Variants in WDR72 observed in about 807,000 individuals in gnomAD.
The protein encoded by WDR72 is WD repeat-containing protein 72.
A neutral mutation model predicts 124.2 loss-of-function variants in WDR72; 120 were observed. That is an observed-to-expected ratio of 0.97 (90% CI 0.83 to 1.12). The LOEUF (loss-of-function observed/expected upper bound fraction) is 1.12, where lower values mean the gene tolerates loss of function less well. Ranked by LOEUF, WDR72 falls within the 50% of genes most tolerant of loss-of-function variation. WDR72 has a pLI of 0.00. For missense variants in WDR72, 1,387 were observed against 1,278.8 expected (o/e 1.08, Z -1.29); for synonymous variants, 452 against 441.7 (o/e 1.02, Z -0.29).
chr15:53,651,554 C>T (rs1198564658), intron 14 of WDR72, among the ~76,000 whole-genome samples: 1 of 152,156 alleles, frequency 6.6e-6, no homozygotes, highest in Non-Finnish European at 1.5e-5. Flanking sequence ...CATGCAGACA[C>T]AGTAATTCTT....
intron 18 of WDR72, among the ~76,000 whole-genome samples, chr15:53,546,844 C>G (rs1170432131): frequency 6.6e-6 from 1 of 152,032 alleles, no homozygotes; most frequent in Non-Finnish European, 1.5e-5. Context: ...TTTAAGAAGT[C>G]TTAAGCGATT....
At chr15:53,735,891 G>T (rs1236176013) in intron 1 of WDR72, among the ~76,000 whole-genome samples, 2 of 151,776 alleles carry the variant, frequency 1.3e-5, no homozygotes, top group Non-Finnish European at 2.9e-5. Context: ...ACAAAAGGTA[G>T]ACTTTTAAAA....
chr15:53,703,541 A>C (rs999784859), intron 11 of WDR72, among the ~76,000 whole-genome samples: 2 of 151,852 alleles, frequency 1.3e-5, no homozygotes, highest in Admixed American at 1.3e-4. Flanking sequence ...AATATTCCTT[A>C]CTTCGGACAA....
intron 2 of WDR72, among the ~76,000 whole-genome samples, chr15:53,726,415 A>G (rs1567051343): frequency 6.6e-6 from 1 of 151,564 alleles, no homozygotes; most frequent in Non-Finnish European, 1.5e-5. Context: ...GTTTTGCTTT[A>G]AACCTAAAAC....
chr15:53,717,440 A>G (rs2017745105), intron 3 of WDR72, among the ~76,000 whole-genome samples: 1 of 152,180 alleles, frequency 6.6e-6, no homozygotes, highest in East Asian at 1.9e-4. Context: ...AGATACTGCC[A>G]TTATACTAAG....
rs772038245 is a variant in WDR72 at position 53,616,197 on chromosome 15, A to G, written c.2009T>C (p.Val670Ala). ...GCCAACGTTACTCCATTTTGTCTTC[A>G]CAGGCAAGACATTAAAAGGTCTTGG... The part of the protein sequence containing the change: ...FCPRPFNVLP[V>A]KTKWSNVGFH... The change falls in exon 15 of 20, where the codon GTG becomes GCG. Residue 670 changes from valine (V) to alanine (A), a missense_variant. Physicochemically the swap from Val to Ala is moderately conservative, Grantham distance 64 (BLOSUM62 0). Coordinates refer to ENST00000360509, the MANE Select transcript of WDR72 (RefSeq NM_182758.4). 1 of 1,605,036 alleles carries G rather than the reference A, an allele frequency of 6.2e-7. No individual in the cohort carries two copies. The highest frequency in any genetic ancestry group is 8.5e-7 in the Non-Finnish European group (1 of 1,178,856).
chr15:53,665,112 T>C (rs953427633), intron 14 of WDR72, among the ~76,000 whole-genome samples: 1 of 152,200 alleles, frequency 6.6e-6, no homozygotes, highest in African/African-American at 2.4e-5. Context: ...GTGTATTCAC[T>C]GAGGCTTGGA....
At chr15:53,710,639 A>C (rs1471254526) in intron 9 of WDR72, among the ~76,000 whole-genome samples, 1 of 152,168 alleles carries the variant, frequency 6.6e-6, no homozygotes, top group Non-Finnish European at 1.5e-5. Flanking sequence ...ATATTGTTTC[A>C]TTATAAACTT....
intron 7 of WDR72, 85 bp from the exon 8 acceptor site, chr15:53,711,566 T>C (rs1183574255): frequency 1.4e-6 from 2 of 1,401,504 alleles, no homozygotes; most frequent in African/African-American, 2.9e-5. Flanking sequence ...AGTAATAATA[T>C]AACAACATAG....
intron 1 of WDR72, among the ~76,000 whole-genome samples, chr15:53,734,131 C>G (rs748316221): frequency 1.3e-4 from 20 of 151,742 alleles, no homozygotes; most frequent in Admixed American, 8.6e-4. Context: ...CATGTTATTT[C>G]TAATGTTCAA....
intron 13 of WDR72, among the ~76,000 whole-genome samples, chr15:53,678,873 T>TATTC (rs1236072025): frequency 1.3e-5 from 2 of 152,236 alleles, no homozygotes; most frequent in African/African-American, 4.8e-5. Flanking sequence ...ACAGCAGCAT[T>TATTC]ATTCACAAGA....
chr15:53,522,148 A>G (rs585111), intron 19 of WDR72, among the ~76,000 whole-genome samples: 3,500 of 152,098 alleles, frequency 0.023, 137 homozygotes, highest in African/African-American at 0.08. Context: ...TGGGGTTCCG[A>G]GATGACTTAG....
At chr15:53,755,217 T>G (rs570263587) in intron 1 of WDR72, among the ~76,000 whole-genome samples, 1 of 152,226 alleles carries the variant, frequency 6.6e-6, no homozygotes, top group Non-Finnish European at 1.5e-5. Flanking sequence ...CTGTTTATAT[T>G]TTTTTGTTCA....
intron 13 of WDR72, among the ~76,000 whole-genome samples, chr15:53,678,025 T>C (rs1021006082): frequency 6.6e-6 from 1 of 152,188 alleles, no homozygotes; most frequent in African/African-American, 2.4e-5. Context: ...GCCATAATGC[T>C]ATGTGGTAGA....
At chr15:53,726,573 G>C (rs1268995480) in intron 2 of WDR72, among the ~76,000 whole-genome samples, 1 of 152,070 alleles carries the variant, frequency 6.6e-6, no homozygotes, top group Non-Finnish European at 1.5e-5. Flanking sequence ...CAAGCATGGT[G>C]GTTCATGTTT....
intron 18 of WDR72, among the ~76,000 whole-genome samples, chr15:53,561,502 CA>C (rs965936990): frequency 3.2e-4 from 48 of 151,878 alleles, no homozygotes; most frequent in African/African-American, 1.1e-3. Context: ...TCTATTTCCT[CA>C]TACAAATAAA....
intron 9 of WDR72, among the ~76,000 whole-genome samples, chr15:53,707,151 A>G (rs1169772253): frequency 6.6e-6 from 1 of 152,236 alleles, no homozygotes; most frequent in African/African-American, 2.4e-5. Context: ...AAAGAAGTTC[A>G]GGAAAGTGAT....
At chr15:53,649,760 T>C (rs2015166264) in intron 14 of WDR72, among the ~76,000 whole-genome samples, 1 of 152,086 alleles carries the variant, frequency 6.6e-6, no homozygotes, top group African/African-American at 2.4e-5. Context: ...AGGATGGCTA[T>C]TATTAAATGA....
At chr15:53,596,413 A>T (rs2012776940) in intron 18 of WDR72, among the ~76,000 whole-genome samples, 1 of 152,130 alleles carries the variant, frequency 6.6e-6, no homozygotes, top group African/African-American at 2.4e-5. Flanking sequence ...CATAAACATT[A>T]TCATTAGGAA....
Sources: gnomAD v4.1 joint callset for allele counts (sites outside exome capture counted in the v4.1 genomes callset) on GRCh38, gnomAD v4.1.1 for gene constraint, MANE v1.5 for transcripts, NCBI Gene and HGNC (gene_info 2026-07-23, HGNC 2026-07-21) for gene names.